The following ARHGEF9 variants were observed in gnomAD, a reference collection of about 807,000 sequenced individuals.
ARHGEF9 encodes Cdc42 guanine nucleotide exchange factor 9, also known as rho guanine nucleotide exchange factor 9.
In ARHGEF9, 2 loss-of-function variants were observed where a neutral mutation model predicts 41.3. That is an observed-to-expected ratio of 0.05 (90% confidence interval 0.02 to 0.15). ARHGEF9 has a LOEUF of 0.15. ARHGEF9 is among the 10% of genes least tolerant of loss of function. The pLI, the probability that ARHGEF9 is intolerant of heterozygous loss-of-function variation, is 1.00. For synonymous variants in ARHGEF9, 160 were observed against 154.4 expected, an observed-to-expected ratio of 1.04 and a Z score of -0.27; for missense variants, 225 against 424.7, an observed-to-expected ratio of 0.53 and a Z score of 4.13.
intron 8 of ARHGEF9, among the ~76,000 whole-genome samples, chrX:63,652,000 C>A (rs1210418381): frequency 9.0e-6 from 1 of 110,818 alleles, no homozygotes; most frequent in South Asian, 3.8e-4. Context: ...TGAGGCTATG[C>A]GGAAGTGGGT....
At chrX:63,654,286 TGTTAGA>T (rs2048748159) in intron 8 of ARHGEF9, among the ~76,000 whole-genome samples, 1 of 112,012 alleles carries the variant, frequency 8.9e-6, no homozygotes, top group Non-Finnish European at 1.9e-5. Context: ...GGAGACATTG[TGTTAGA>T]GCCAATGGGA....
chrX:63,697,065 G>C (rs782598395), intron 4 of ARHGEF9, 60 bp downstream of exon 4: 4 of 1,141,276 alleles, frequency 3.5e-6, no homozygotes, highest in East Asian at 6.3e-5. Flanking sequence ...CAGCTCAAAC[G>C]CTCCTTCCAT....
chrX:63,652,213 C>T (rs1414814733), intron 8 of ARHGEF9, among the ~76,000 whole-genome samples: 1 of 111,287 alleles, frequency 9.0e-6, no homozygotes, highest in Admixed American at 9.6e-5. Flanking sequence ...GGAAATAAAG[C>T]TAAATATAAA....
intron 1 of ARHGEF9, among the ~76,000 whole-genome samples, chrX:63,758,343 C>T (rs781835185): frequency 9.0e-6 from 1 of 111,532 alleles, no homozygotes; most frequent in Non-Finnish European, 1.9e-5. Flanking sequence ...CTCCAGCCCT[C>T]CCACCAATTT....
chrX:63,669,867 G>A (rs2049830373), intron 6 of ARHGEF9, among the ~76,000 whole-genome samples: 1 of 112,042 alleles, frequency 8.9e-6, no homozygotes, highest in Non-Finnish European at 1.9e-5. Context: ...ATCAATGAGA[G>A]TGGAAACTTT....
intron 7 of ARHGEF9, among the ~76,000 whole-genome samples, chrX:63,661,900 A>T (rs782211368): frequency 8.9e-6 from 1 of 112,122 alleles, no homozygotes; most frequent in Non-Finnish European, 1.9e-5. Flanking sequence ...GAATTAAGGG[A>T]ATCTTAACAG....
In ARHGEF9 at chrX:63,706,271, T is replaced by C. The variant is rs1057523510; in HGVS notation, c.389A>G (p.Lys130Arg). 8.3e-7 allele frequency: 1 copy of C among 1,201,568 alleles called. No individual in the cohort carries two copies. The highest frequency in any genetic ancestry group is 1.1e-6 in the Non-Finnish European group (1 of 890,011). Residue 130 changes from lysine (K) to arginine (R), a missense_variant, in exon 3 of 10, where the codon AAG becomes AGG. Around this residue, in one of 3 missense-constraint regions of ARHGEF9, gnomAD observed 114 missense variants for 197.9 expected, o/e 0.58. Transcript: ENST00000671741. ...STERHYIKHL[K>R]DICEGYLKQC... ...CACCATGGTTACCTCACAAATATCC[T>C]TGAGGTGCTTGATGTAGTGACGCTC...
At chrX:63,723,618 A>T (rs2053773819) in intron 2 of ARHGEF9, among the ~76,000 whole-genome samples, 1 of 112,332 alleles carries the variant, frequency 8.9e-6, no homozygotes, top group Non-Finnish European at 1.9e-5. Flanking sequence ...CCTGGCATTA[A>T]AGAACTGTCA....
intron 4 of ARHGEF9, among the ~76,000 whole-genome samples, chrX:63,693,362 A>G (rs2051485628): frequency 1.8e-5 from 2 of 111,381 alleles, no homozygotes; most frequent in Non-Finnish European, 3.8e-5. Context: ...ATGTAGTCCC[A>G]GCAATTTGGG....
chrX:63,670,306 A>C (rs1372362121), intron 6 of ARHGEF9: 1 of 111,681 alleles, frequency 9.0e-6, no homozygotes, highest in Non-Finnish European at 1.9e-5. Context: ...ATGCCTCATC[A>C]AGCCACTTTA....
chrX:63,770,129 G>A (rs2056179394), intron 1 of ARHGEF9, among the ~76,000 whole-genome samples: 1 of 112,275 alleles, frequency 8.9e-6, no homozygotes, highest in African/African-American at 3.2e-5. Flanking sequence ...AAAGCCACAG[G>A]GGTGGAGCTG....
At chrX:63,682,321 T>C (rs1556370422) in intron 4 of ARHGEF9, among the ~76,000 whole-genome samples, 1 of 110,025 alleles carries the variant, frequency 9.1e-6, no homozygotes, top group African/African-American at 3.3e-5. Context: ...GAGACCATCC[T>C]GGCTAACATG....
intron 1 of ARHGEF9, among the ~76,000 whole-genome samples, chrX:63,745,518 G>A (rs2147746055): frequency 9.0e-6 from 1 of 111,447 alleles, no homozygotes; most frequent in South Asian, 3.8e-4. Flanking sequence ...CCAGCCAAGG[G>A]AGCATAGAGC....
chrX:63,783,614 A>G (rs1160471499), intron 1 of ARHGEF9, among the ~76,000 whole-genome samples: 3 of 111,410 alleles, frequency 2.7e-5, no homozygotes, highest in Non-Finnish European at 5.7e-5. Flanking sequence ...CAAGATCATG[A>G]CTATGTTCCT....
intron 6 of ARHGEF9, chrX:63,671,559 A>G (rs1338533088): frequency 8.9e-6 from 1 of 112,587 alleles, no homozygotes; most frequent in Admixed American, 9.4e-5. Context: ...CTTACTGAAA[A>G]CAATACCACA....
At chrX:63,731,948 G>A (rs1556420356) in intron 1 of ARHGEF9, 1 of 111,537 alleles carries the variant, frequency 9.0e-6, no homozygotes, top group Non-Finnish European at 1.9e-5. Context: ...TTCTACTGAG[G>A]CTAACACTTA....
At chrX:63,638,925 A>C (rs1463237606) in intron 9 of ARHGEF9, among the ~76,000 whole-genome samples, 2 of 112,178 alleles carry the variant, frequency 1.8e-5, no homozygotes, top group African/African-American at 6.5e-5. Flanking sequence ...TACTAATATT[A>C]AAAACCTTCT....
chrX:63,667,222 T>C (rs1556349922), intron 6 of ARHGEF9, among the ~76,000 whole-genome samples: 1 of 112,038 alleles, frequency 8.9e-6, no homozygotes, highest in Non-Finnish European at 1.9e-5. Context: ...GGGAAGTAGA[T>C]ATTCTTGCTC....
intron 9 of ARHGEF9, chrX:63,639,605 C>T (rs1303082229): frequency 9.0e-6 from 1 of 111,605 alleles, no homozygotes; most frequent in Non-Finnish European, 1.9e-5. Context: ...ATCACAATCT[C>T]TTCTGGGTAT....
Sources: allele counts gnomAD v4.1 joint callset (sites outside exome capture counted in the v4.1 genomes callset), GRCh38; gene constraint gnomAD v4.1.1; regional missense constraint gnomAD v4.1.1; transcripts MANE v1.5; gene names NCBI Gene and HGNC (gene_info 2026-07-23, HGNC 2026-07-21).